CACNA1B: variants seen among roughly 807,000 people sequenced by gnomAD.
CACNA1B encodes the protein voltage-dependent N-type calcium channel subunit alpha-1B.
Under a neutral mutation model 247.2 loss-of-function variants are expected in CACNA1B, and 70 were observed. That is an observed-to-expected ratio of 0.28 (90% CI 0.23 to 0.35). The LOEUF (loss-of-function observed/expected upper bound fraction) is 0.35. Ranked by LOEUF, CACNA1B falls within the 10% of genes least tolerant of loss-of-function variation. CACNA1B has a pLI of 1.00. For synonymous variants in CACNA1B, 1,231 were observed against 1,294.4 expected, an observed-to-expected ratio of 0.95 and a Z score of 1.05; for missense variants, 2,367 against 3,197.4, an observed-to-expected ratio of 0.74 and a Z score of 6.26.
chr9:137,959,341 G>A (rs1957984650), intron 10 of CACNA1B, among the ~76,000 whole-genome samples: 2 of 152,112 alleles, frequency 1.3e-5, no homozygotes, highest in Admixed American at 1.3e-4. Context: ...CCAAAGGGCT[G>A]GGATTACAGG....
In CACNA1B at chr9:138,101,973, A is replaced by G. The variant is rs187651437; in HGVS notation, c.5223-738A>G. ...TCCTGCAACCTGCCCCTTTGCTGTC[A>G]GAGCTGGTGCAAGGTGGCCCCAGGC... On this transcript the variant is annotated intron_variant, in intron 37 of 46. Coordinates refer to ENST00000371372, the MANE Select transcript of CACNA1B (RefSeq NM_000718.4). 2.0e-3 allele frequency among the ~76,000 whole-genome samples: 303 copies of G among 152,236 alleles called. 1 individual carries two copies. Among genetic ancestry groups the G allele is most frequent in the African/African-American group, 6.9e-3 (288 of 41,550 alleles).
At chr9:138,114,810 G>A (rs548087058) in intron 41 of CACNA1B, among the ~76,000 whole-genome samples, 2 of 152,260 alleles carry the variant, frequency 1.3e-5, no homozygotes, top group African/African-American at 4.8e-5. Flanking sequence ...ACCATTTGAG[G>A]AGGATTGTTT....
rs201295300 is a variant in CACNA1B, at chr9:138,118,018, G to A, written c.5850G>A (p.Glu1950=). ...GTQRTQDAPH[E]ARPPLERGHS... is the part of the protein sequence containing the mutation. Reference sequence around the variant, plus strand: ...AAAGGACCCAGGATGCACCCCATGAGGCCAGGCCACCCCTGGAGCGTGGCC... The same window carrying A: ...AAAGGACCCAGGATGCACCCCATGAAGCCAGGCCACCCCTGGAGCGTGGCC... Residue 1950 remains glutamate, a synonymous_variant, in exon 43 of 47, where the codon GAG becomes GAA. Coordinates refer to ENST00000371372, the MANE Select transcript of CACNA1B (RefSeq NM_000718.4). 8.7e-6 allele frequency: 14 copies of A among 1,601,434 alleles called. No homozygotes were observed. The highest frequency in any genetic ancestry group is 1.1e-5 in the South Asian group (1 of 88,554).
intron 8 of CACNA1B, 64 bp from the exon 9 acceptor site, chr9:137,956,707 C>T: frequency 7.3e-7 from 1 of 1,370,690 alleles, no homozygotes; most frequent in South Asian, 1.2e-5. Flanking sequence ...CAGAGATGTG[C>T]CTCTGTCCTG....
chr9:137,984,097 G>A (rs1589048652), intron 12 of CACNA1B, 41 bp from the exon 13 acceptor site: 2 of 1,425,832 alleles, frequency 1.4e-6, no homozygotes, highest in Admixed American at 1.9e-5. Context: ...ATGCACAGGT[G>A]CAGATACGGT....
intron 39 of CACNA1B, among the ~76,000 whole-genome samples, chr9:138,112,123 A>ATGCATGCACACACATG (rs1355844935): frequency 8.8e-6 from 1 of 113,720 alleles, no homozygotes; most frequent in Non-Finnish European, 2.1e-5. Context: ...TGCAGTGCAC[A>ATGCATGCACACACATG]TGCATGCACA....
intron 6 of CACNA1B, among the ~76,000 whole-genome samples, chr9:137,933,187 C>A (rs1332118603): frequency 1.3e-5 from 2 of 151,874 alleles, no homozygotes; most frequent in African/African-American, 2.4e-5. Context: ...CCTGCCTCGG[C>A]CTCCCAGAGT....
intron 6 of CACNA1B, among the ~76,000 whole-genome samples, chr9:137,937,921 G>T (rs1025336155): frequency 7.6e-6 from 1 of 131,960 alleles, no homozygotes; most frequent in Admixed American, 8.0e-5. Flanking sequence ...CACTCCAGCC[G>T]GGGCAACAAG....
At position 138,054,229 on chromosome 9, in the gene CACNA1B, C is replaced by T. The variant is rs1033697112; in HGVS notation, c.3968+223C>T. Reference sequence around the variant, plus strand: ...TCCCCAGCACCACACCAGGGACCCCCAGCACTTCCTCCTCAGCAGAGTCAG... The same window carrying T: ...TCCCCAGCACCACACCAGGGACCCCTAGCACTTCCTCCTCAGCAGAGTCAG... On this transcript the variant is annotated intron_variant, in intron 26 of 46. Coordinates refer to ENST00000371372, the MANE Select transcript of CACNA1B (RefSeq NM_000718.4). The surrounding 1 kb of genome is among the most constrained non-coding windows in gnomAD (Gnocchi z 4.6). 6.6e-6 allele frequency among the ~76,000 whole-genome samples: 1 copy of T among 152,214 alleles called. No individual in the cohort carries two copies. Among genetic ancestry groups the T allele is most frequent in the African/African-American group, 2.4e-5 (1 of 41,448 alleles).
chr9:138,104,126 G>T (rs1189859804), intron 38 of CACNA1B, among the ~76,000 whole-genome samples: 2 of 152,268 alleles, frequency 1.3e-5, no homozygotes, highest in Admixed American at 1.3e-4. Context: ...GCCTCAGGGT[G>T]GGGGCAGAAG....
intron 20 of CACNA1B, among the ~76,000 whole-genome samples, chr9:138,038,505 C>G (rs534641151): frequency 3.3e-5 from 5 of 152,360 alleles, no homozygotes; most frequent in Non-Finnish European, 7.3e-5. Flanking sequence ...CCTTGGACTA[C>G]AGGAACCACG....
In CACNA1B at chr9:137,935,855, G is replaced by A. The variant is rs201774629; in HGVS notation, c.967-16419G>A. 3.2e-4 allele frequency among the ~76,000 whole-genome samples: 49 copies of A among 151,604 alleles called. 1 individual carries two copies. In the East Asian group the frequency reaches 8.4e-3, roughly 26 times the overall value. ...AGTGGCATGATCTCGGCTCACTGCC[G>A]CCCAGGCCGGAGTGCAGTGGCACGA... is the stretch of plus-strand genomic sequence containing the variant. On this transcript the variant is annotated intron_variant, in intron 6 of 46. Transcript: ENST00000371372.
chr9:138,063,245 G>A (rs1018498595), intron 31 of CACNA1B, among the ~76,000 whole-genome samples: 1 of 152,012 alleles, frequency 6.6e-6, no homozygotes, highest in African/African-American at 2.4e-5. Flanking sequence ...GTGATCTCAG[G>A]GATTTGGGAG....
rs1014092294 is a variant in CACNA1B, at chr9:138,096,843, A to G, written c.5222+232A>G. Reference sequence around the variant, plus strand: ...AGTGGCCCGGACTGCATAAAGTGATAAGGGTCTTTTGAGACCTTGAGTTCA... The same window carrying G: ...AGTGGCCCGGACTGCATAAAGTGATGAGGGTCTTTTGAGACCTTGAGTTCA... On this transcript the variant is annotated intron_variant, in intron 37 of 46. Coordinates refer to ENST00000371372, the MANE Select transcript of CACNA1B (RefSeq NM_000718.4). Among the ~76,000 whole-genome samples, 4 of 148,942 alleles carry G rather than the reference A, an allele frequency of 2.7e-5. No individual in the cohort carries two copies. In the Admixed American group the frequency reaches 2.7e-4, roughly 10 times the overall value.
chr9:138,106,908 C>T (rs1250606933), intron 39 of CACNA1B, among the ~76,000 whole-genome samples: 2 of 152,208 alleles, frequency 1.3e-5, no homozygotes, highest in African/African-American at 4.8e-5. Context: ...CCCTTGGGGT[C>T]TCCAGGCCTC....
chr9:137,946,368 G>T (rs1957796038), intron 6 of CACNA1B, among the ~76,000 whole-genome samples: 2 of 152,044 alleles, frequency 1.3e-5, no homozygotes, highest in Admixed American at 6.6e-5. Context: ...AAGAAAAGAG[G>T]GTTTAAGTTC....
chr9:138,068,024 G>C (rs2133525592), intron 31 of CACNA1B, among the ~76,000 whole-genome samples: 1 of 152,338 alleles, frequency 6.6e-6, no homozygotes, highest in South Asian at 2.1e-4. Flanking sequence ...GGGGGTTTCT[G>C]TGTGTGCACC....
chr9:137,958,489 C>T (rs1957974318), intron 10 of CACNA1B, among the ~76,000 whole-genome samples: 1 of 152,224 alleles, frequency 6.6e-6, no homozygotes, highest in South Asian at 2.1e-4. Context: ...TTGTCTGATT[C>T]TAGCCCCCCT....
At chr9:137,960,411 GGAGGGGAGGTCAGCCTGAGAGAC>G (rs1958004003) in intron 10 of CACNA1B, among the ~76,000 whole-genome samples, 4 of 7,250 alleles carry the variant, frequency 5.5e-4, no homozygotes, top group Non-Finnish European at 5.9e-4. Context: ...GGGGGGAGGG[GGAGGGGAGGTCAGCCTGAGAGAC>G]GGAGGGGGAG....
Sources: gnomAD v4.1 joint callset for allele counts (sites outside exome capture counted in the v4.1 genomes callset) on GRCh38, gnomAD v4.1.1 for gene constraint, Gnocchi (gnomAD v3.1) non-coding constraint, MANE v1.5 for transcripts, NCBI Gene and HGNC (gene_info 2026-07-23, HGNC 2026-07-21) for gene names.